The following ITPA variants were observed in gnomAD, a reference collection of about 807,000 sequenced individuals.
The protein encoded by ITPA is inosine triphosphatase, also known as inosine triphosphate pyrophosphatase.
ITPA carries 29 observed loss-of-function variants against 29.6 expected under a neutral mutation model. That is an observed-to-expected ratio of 0.98 (90% CI 0.73 to 1.34). The LOEUF is 1.34. Ranked by LOEUF, ITPA falls within the 40% of genes most tolerant of loss-of-function variation. ITPA has a pLI of 0.00. For synonymous variants in ITPA, 103 were observed against 99.3 expected (o/e 1.04, Z -0.22); for missense variants, 241 against 251.5 (o/e 0.96, Z 0.28).
intron 6 of ITPA, chr20:3,218,837 C>G: frequency 1.6e-6 from 1 of 634,004 alleles, no homozygotes. Flanking sequence ...TCCCTGGGGC[C>G]AGAGTAGTTG....
chr20:3,216,157 G>GTTTTTT (rs71331043), intron 5 of ITPA, among the ~76,000 whole-genome samples: 1 of 109,280 alleles, frequency 9.2e-6, no homozygotes, highest in African/African-American at 3.8e-5. Context: ...CGCTGGCTAA[G>GTTTTTT]TTTTTTTTTT....
rs1208274741 is a variant in ITPA, at chr20:3,213,972, CTT to C, written c.190-11_190-10del. On this transcript the variant is annotated splice_polypyrimidine_tract_variant and intron_variant, in intron 3 of 7. Transcript: ENST00000380113. ...GATCATGGGTCTCAGGGCTGTATGT[CTT>C]TGTGCTGCAGGTACAGGGGCCCGTG... 1.9e-6 allele frequency: 3 copies of C among 1,614,168 alleles called. No individual in the cohort carries two copies.
chr20:3,216,511 TG>T (rs1029610549), intron 5 of ITPA, among the ~76,000 whole-genome samples: 3 of 147,320 alleles, frequency 2.0e-5, no homozygotes, highest in Non-Finnish European at 4.5e-5. Context: ...TGGAGCGCAA[TG>T]GCACGATCTC....
At chr20:3,213,247 A>T in intron 2 of ITPA, 21 bp downstream of exon 2, 1 of 1,614,076 alleles carries the variant, frequency 6.2e-7, no homozygotes, top group South Asian at 1.1e-5. Flanking sequence ...GTTTTGTTTT[A>T]TTTTTAAAAG....
intron 4 of ITPA, 85 bp from the exon 5 acceptor site, chr20:3,215,195 TG>T: frequency 7.4e-7 from 1 of 1,353,098 alleles, no homozygotes; most frequent in Middle Eastern, 1.8e-4. Flanking sequence ...CATTTCCCCT[TG>T]GCTGTCAATA....
upstream of ITPA, chr20:3,204,517 G>A (rs757713914): frequency 6.5e-7 from 1 of 1,547,548 alleles, no homozygotes; most frequent in Non-Finnish European, 8.7e-7. Context: ...CACCAACCCT[G>A]GTGCAGCGGC....
chr20:3,214,630 AG>A (rs936356926), intron 4 of ITPA, among the ~76,000 whole-genome samples: 1 of 151,444 alleles, frequency 6.6e-6, no homozygotes, highest in African/African-American at 2.4e-5. Context: ...CCCAGGCTGG[AG>A]TGCAGTGGCG....
upstream of ITPA, among the ~76,000 whole-genome samples, chr20:3,208,309 G>C (rs766625788): frequency 1.3e-5 from 2 of 152,060 alleles, no homozygotes; most frequent in Non-Finnish European, 2.9e-5. Context: ...TAGGGACTCT[G>C]CATAATGGTT....
intron 7 of ITPA, among the ~76,000 whole-genome samples, chr20:3,223,059 A>G (rs2067506836): frequency 6.6e-6 from 1 of 152,168 alleles, no homozygotes; most frequent in South Asian, 2.1e-4. Flanking sequence ...CTGTCAACAG[A>G]TGACAAAGCT....
chr20:3,224,568 C>G (rs1473856341), downstream of ITPA, among the ~76,000 whole-genome samples: 1 of 152,342 alleles, frequency 6.6e-6, no homozygotes, highest in South Asian at 2.1e-4. Context: ...TGCCTGCAAG[C>G]CCCGGCTGGG....
At chr20:3,204,442 TGCGCACGCGCAGGA>T, upstream of ITPA, 1 of 1,311,334 alleles carries the variant, frequency 7.6e-7, no homozygotes, top group Non-Finnish European at 1.0e-6. Context: ...CCCGCCCAGG[TGCGCACGCGCAGGA>T]GCCGCGGCGC....
At chr20:3,218,455 T>C in intron 5 of ITPA, 62 bp from the exon 6 acceptor site, 2 of 1,176,846 alleles carry the variant, frequency 1.7e-6, no homozygotes, top group South Asian at 2.4e-5. Context: ...AGTGGGCGTC[T>C]TGGGAGTGGG....
At chr20:3,209,165 T>C (rs1600486791), upstream of ITPA, 2 of 320,376 alleles carry the variant, frequency 6.2e-6, no homozygotes, top group East Asian at 1.9e-4. The surrounding 1 kb of genome is among the most constrained non-coding windows in gnomAD (Gnocchi z 4.6). Flanking sequence ...GGAGGCAGTT[T>C]TTTGAGACAG....
intron 6 of ITPA, 181 bp from the exon 7 acceptor site, chr20:3,221,660 C>A (rs1018610547): frequency 3.0e-6 from 2 of 677,402 alleles, no homozygotes; most frequent in Non-Finnish European, 5.4e-6. Flanking sequence ...AGAGCTGCCC[C>A]GCTCTGCTTT....
intron 4 of ITPA, 57 bp downstream of exon 4, chr20:3,214,115 C>G: frequency 6.9e-7 from 1 of 1,443,532 alleles, no homozygotes; most frequent in East Asian, 2.3e-5. Context: ...ACCAGAACTG[C>G]AAAATGATGA....
At chr20:3,224,467 G>A (rs967705938), downstream of ITPA, among the ~76,000 whole-genome samples, 1 of 152,236 alleles carries the variant, frequency 6.6e-6, no homozygotes, top group Non-Finnish European at 1.5e-5. Flanking sequence ...GTGCCCACAG[G>A]CAGCTCTGGA....
chr20:3,215,402 TC>T, intron 5 of ITPA, 90 bp downstream of exon 5: 2 of 1,211,962 alleles, frequency 1.7e-6, no homozygotes, highest in Non-Finnish European at 2.4e-6. Context: ...TAATCAGGAG[TC>T]CCAGGTTCTA....
chr20:3,204,598 C>G (rs774595408), upstream of ITPA: 37 of 1,589,944 alleles, frequency 2.3e-5, no homozygotes, highest in Admixed American at 7.0e-5. Context: ...GCAGAGCCGC[C>G]GCTACCAAGT....
At chr20:3,222,930 C>T (rs2122454767) in intron 7 of ITPA, among the ~76,000 whole-genome samples, 1 of 152,352 alleles carries the variant, frequency 6.6e-6, no homozygotes, top group South Asian at 2.1e-4. Context: ...GTATGGGATT[C>T]TCACCTCACT....
Sources: allele counts gnomAD v4.1 joint callset (sites outside exome capture counted in the v4.1 genomes callset), GRCh38; gene constraint gnomAD v4.1.1; non-coding constraint Gnocchi (gnomAD v3.1); transcripts MANE v1.5; gene names NCBI Gene and HGNC (gene_info 2026-07-23, HGNC 2026-07-21).